PKHD1: variants seen among roughly 807,000 people sequenced by gnomAD.
PKHD1 encodes the protein fibrocystin.
In PKHD1, 291 loss-of-function variants were observed where a neutral mutation model predicts 412.0. The observed-to-expected ratio is 0.71, with a 90% CI of 0.64 to 0.78. The LOEUF is 0.78. Among genes scored for constraint, PKHD1 ranks in the 30% least tolerant of loss-of-function variants. The pLI, the probability that PKHD1 is intolerant of heterozygous loss-of-function variation, is 0.00. For missense variants in PKHD1, 4,825 were observed against 4,950.7 expected, an observed-to-expected ratio of 0.97 and a Z score of 0.76; for synonymous variants, 1,777 against 1,821.5, an observed-to-expected ratio of 0.98 and a Z score of 0.62.
intron 60 of PKHD1, among the ~76,000 whole-genome samples, chr6:51,723,370 C>T (rs939790461): frequency 6.6e-6 from 1 of 152,180 alleles, no homozygotes; most frequent in African/African-American, 2.4e-5. Flanking sequence ...TAGTGCTCAA[C>T]CTCCTGCACT....
At chr6:51,741,031 T>A in intron 60 of PKHD1, 1 of 508,228 alleles carries the variant, frequency 2.0e-6, no homozygotes, top group Non-Finnish European at 3.9e-6. Flanking sequence ...ACACTGATAG[T>A]AAATCGTGTG....
At chr6:51,995,831 A>T (rs752735304) in intron 35 of PKHD1, among the ~76,000 whole-genome samples, 118 of 152,274 alleles carry the variant, frequency 7.7e-4, no homozygotes, top group Admixed American at 1.2e-3. Flanking sequence ...AAAGGGATGG[A>T]CTAGTTCTAA....
chr6:52,046,167 G>A lies in PKHD1; in HGVS notation c.2429C>T (p.Ala810Val). Residue 810 changes from alanine to valine, a missense_variant, in exon 24 of 67, where the codon GCT becomes GTT. Ala to Val is a moderately conservative substitution (Grantham distance 64). Coordinates refer to ENST00000371117, the MANE Select transcript of PKHD1 (RefSeq NM_138694.4). ...VISDVPVQIS[A>V]HHLHQLLQNN... ...CTGTAAGAGCTGGTGAAGGTGATGAGCAGAAATTTGTACAGGGACATCTGT... is the reference window on the plus strand; with the variant it reads ...CTGTAAGAGCTGGTGAAGGTGATGAACAGAAATTTGTACAGGGACATCTGT... 1 of 1,613,172 alleles carries A rather than the reference G, an allele frequency of 6.2e-7. No homozygotes were observed. The highest frequency in any genetic ancestry group is 8.5e-7 in the Non-Finnish European group (1 of 1,179,168).
intron 43 of PKHD1, among the ~76,000 whole-genome samples, chr6:51,895,960 G>A (rs1008417210): frequency 8.0e-5 from 12 of 150,856 alleles, no homozygotes; most frequent in African/African-American, 2.4e-4. Flanking sequence ...CTTTTCCGAC[G>A]GGCTTAAAAA....
intron 43 of PKHD1, among the ~76,000 whole-genome samples, chr6:51,888,188 T>C (rs1778505650): frequency 6.6e-6 from 1 of 152,266 alleles, no homozygotes; most frequent in Non-Finnish European, 1.5e-5. Flanking sequence ...CAAAGTGCTC[T>C]TGTCCTGAAT....
rs769571577 is a variant in PKHD1, at chr6:51,748,346, G to T, written c.9270C>A (p.Asn3090Lys). The T allele has an allele frequency of 1.1e-5, 18 of 1,613,960 alleles. No individual in the cohort carries two copies. The South Asian group carries it at 1.6e-4, about 15-fold the overall frequency. The change falls in exon 58 of 67, where the codon AAC becomes AAA. Residue 3090 changes from asparagine (N) to lysine (K), a missense_variant. Asn to Lys is a moderately conservative substitution (Grantham distance 94, BLOSUM62 0). Coordinates refer to ENST00000371117, the MANE Select transcript of PKHD1 (RefSeq NM_138694.4). ...ATCCTGCCACAACGTTGCCATGGAG[G>T]TTGATGTCCTTTACCTGGTTCACTT... ...GIKVNQVKDI[N>K]LHGNVVAGSE... is the part of the protein sequence containing the mutation.
intron 40 of PKHD1, among the ~76,000 whole-genome samples, chr6:51,908,407 C>A (rs1015520386): frequency 4.6e-5 from 7 of 152,028 alleles, no homozygotes; most frequent in African/African-American, 1.7e-4. Flanking sequence ...ACCTCTGAAC[C>A]CCTGGGGCAC....
intron 37 of PKHD1, among the ~76,000 whole-genome samples, chr6:51,921,951 C>G (rs1784777888): frequency 6.6e-6 from 1 of 152,208 alleles, no homozygotes; most frequent in African/African-American, 2.4e-5. Context: ...AAGTCATTCT[C>G]CATCCAGCTT....
At chr6:51,755,010 G>C (rs9370049) in intron 55 of PKHD1, 72 bp from the exon 56 acceptor site, 2 of 1,312,266 alleles carry the variant, frequency 1.5e-6, no homozygotes, top group Non-Finnish European at 2.2e-6. Context: ...TCCAGAGCAA[G>C]AAAAGGAAAT....
chr6:52,005,839 C>G (rs1367191787), intron 35 of PKHD1, among the ~76,000 whole-genome samples: 1 of 148,452 alleles, frequency 6.7e-6, no homozygotes, highest in Non-Finnish European at 1.5e-5. Context: ...ACCTACGTAA[C>G]TTTTTTTTTT....
At chr6:51,805,615 G>A (rs1763643154) in intron 52 of PKHD1, among the ~76,000 whole-genome samples, 1 of 152,138 alleles carries the variant, frequency 6.6e-6, no homozygotes, top group Non-Finnish European at 1.5e-5. Context: ...GAGGTAAGAG[G>A]CAGGGCTAGA....
At position 52,043,651 on chromosome 6, in the gene PKHD1, C is replaced by T. The variant is rs1329209110; in HGVS notation, c.2795G>A (p.Cys932Tyr). Residue 932 changes from cysteine (C) to tyrosine (Y), a missense_variant, in exon 26 of 67, where the codon TGT (cysteine) becomes TAT (tyrosine). Transcript: ENST00000371117. The stretch of plus-strand genomic sequence containing the variant: ...AATGGAGTACCACACAGAATGGACA[C>T]AGGGAGTTGACCCTTGGAGGTACTG... ...SFQYLQGSTPCVHSVWYSIDG... is the reference protein window; with the variant it reads ...SFQYLQGSTPYVHSVWYSIDG... The T allele has an allele frequency of 1.2e-6, 2 of 1,612,654 alleles. No individual in the cohort carries two copies. Among genetic ancestry groups the T allele is most frequent in the East Asian group, 2.2e-5 (1 of 44,864 alleles).
At chr6:51,895,644 C>A (rs377434015) in intron 43 of PKHD1, among the ~76,000 whole-genome samples, 2 of 152,168 alleles carry the variant, frequency 1.3e-5, no homozygotes, top group East Asian at 1.9e-4. Flanking sequence ...AGAATTAGAA[C>A]TTTAAGGTCA....
intron 1 of PKHD1, among the ~76,000 whole-genome samples, chr6:52,085,851 A>G (rs2128248142): frequency 6.6e-6 from 1 of 152,072 alleles, no homozygotes; most frequent in East Asian, 1.9e-4. Context: ...TTTCACTCTC[A>G]TGCCTGCTCT....
chr6:51,766,251 A>G (rs1177000818), intron 55 of PKHD1, among the ~76,000 whole-genome samples: 1 of 152,122 alleles, frequency 6.6e-6, no homozygotes, highest in Non-Finnish European at 1.5e-5. Flanking sequence ...ACACCAAAGC[A>G]TACCTATCAA....
intron 37 of PKHD1, among the ~76,000 whole-genome samples, chr6:51,919,062 CT>C (rs1300037285): frequency 6.6e-6 from 1 of 152,102 alleles, no homozygotes; most frequent in Non-Finnish European, 1.5e-5. Context: ...CAAATATTTT[CT>C]CCCATTCTGT....
chr6:51,635,876 C>CGGGGG (rs1581768607), intron 64 of PKHD1, among the ~76,000 whole-genome samples: 22 of 41,486 alleles, frequency 5.3e-4, no homozygotes, highest in South Asian at 7.3e-4. Flanking sequence ...GGCGGGGGGC[C>CGGGGG]GGGGGCGGAT....
At chr6:51,825,976 G>C (rs556624519) in intron 52 of PKHD1, among the ~76,000 whole-genome samples, 3 of 152,172 alleles carry the variant, frequency 2.0e-5, no homozygotes, top group South Asian at 4.1e-4. Flanking sequence ...TTTCTAATTG[G>C]TGTTGTAGAC....
At chr6:51,954,099 G>A (rs931408129) in intron 36 of PKHD1, among the ~76,000 whole-genome samples, 22 of 152,146 alleles carry the variant, frequency 1.4e-4, no homozygotes, top group African/African-American at 5.3e-4. Flanking sequence ...CTGATATTCA[G>A]CCATATCTCC....
Sources: allele counts gnomAD v4.1 joint callset (sites outside exome capture counted in the v4.1 genomes callset), GRCh38; gene constraint gnomAD v4.1.1; transcripts MANE v1.5; gene names NCBI Gene and HGNC (gene_info 2026-07-23, HGNC 2026-07-21).